Variants in CORIN observed in about 807,000 individuals in gnomAD.
CORIN encodes the protein corin, serine peptidase, also known as atrial natriuretic peptide-converting enzyme.
CORIN carries 117 observed loss-of-function variants against 125.3 expected under a neutral mutation model. The ratio of observed to expected loss-of-function variants is 0.93; its 90% CI spans 0.80 to 1.09. The LOEUF is 1.09. Among genes scored for constraint, CORIN ranks in the 50% least tolerant of loss-of-function variants. The probability of loss-of-function intolerance (pLI) is 0.00; values close to 1 mark genes in which losing one functional copy is unlikely to be tolerated. For missense variants in CORIN, 1,253 were observed against 1,306.7 expected, an observed-to-expected ratio of 0.96 and a Z score of 0.63; for synonymous variants, 450 against 466.4, an observed-to-expected ratio of 0.96 and a Z score of 0.45.
intron 2 of CORIN, among the ~76,000 whole-genome samples, chr4:47,794,847 C>T (rs1731223230): frequency 6.6e-6 from 1 of 152,080 alleles, no homozygotes; most frequent in African/African-American, 2.4e-5. Flanking sequence ...AAAGTCCCAA[C>T]CAAGATAATC....
chr4:47,835,908 G>A (rs1733375115), intron 1 of CORIN, among the ~76,000 whole-genome samples: 1 of 152,092 alleles, frequency 6.6e-6, no homozygotes, highest in African/African-American at 2.4e-5. Context: ...AGCAATTCTT[G>A]GTGTGTCTTT....
At chr4:47,692,948 C>T in intron 6 of CORIN, 22 bp downstream of exon 6, 1 of 1,565,368 alleles carries the variant, frequency 6.4e-7, no homozygotes. Flanking sequence ...CTCAGACAAA[C>T]CCTAAACAGC....
At position 47,792,027 on chromosome 4, in the gene CORIN, T is replaced by C. The variant is rs114467700; in HGVS notation, c.209-5102A>G. ...AGTAGAGAGATAGTCCTCATTCCAT[T>C]TGAAAAAGTCAGGAAAGCCTGTTTA... On this transcript the variant is annotated intron_variant, in intron 2 of 21. Transcript: ENST00000273857. Among the ~76,000 whole-genome samples, 866 of 152,280 alleles carry C rather than the reference T, an allele frequency of 5.7e-3. 8 individuals are homozygous for C. Among genetic ancestry groups the C allele is most frequent in the African/African-American group, 0.019 (810 of 41,548 alleles).
At chr4:47,754,335 C>T (rs1398717009) in intron 4 of CORIN, among the ~76,000 whole-genome samples, 1 of 152,092 alleles carries the variant, frequency 6.6e-6, no homozygotes, top group African/African-American at 2.4e-5. Context: ...GCCTAAACAG[C>T]CAGGTTGCCA....
chr4:47,689,638 A>G (rs1262083346), intron 6 of CORIN, among the ~76,000 whole-genome samples: 1 of 152,232 alleles, frequency 6.6e-6, no homozygotes, highest in African/African-American at 2.4e-5. Context: ...ATTTAAAATT[A>G]AGAAGTATTC....
At chr4:47,778,003 T>C (rs1164417307) in intron 3 of CORIN, among the ~76,000 whole-genome samples, 2 of 152,236 alleles carry the variant, frequency 1.3e-5, no homozygotes, top group African/African-American at 2.4e-5. Flanking sequence ...TGGGTTTTTT[T>C]GGTTTTTTGA....
intron 5 of CORIN, among the ~76,000 whole-genome samples, chr4:47,700,373 A>G (rs1189761815): frequency 6.6e-6 from 1 of 152,174 alleles, no homozygotes; most frequent in East Asian, 1.9e-4. Flanking sequence ...TTGAAGGTGT[A>G]CAGTGTGTGG....
intron 4 of CORIN, among the ~76,000 whole-genome samples, chr4:47,758,833 C>G (rs898554620): frequency 6.6e-6 from 1 of 152,196 alleles, no homozygotes; most frequent in African/African-American, 2.4e-5. Context: ...TGTTTGCTTC[C>G]CTTTCCACCA....
chr4:47,795,217 C>T (rs1399952431), intron 2 of CORIN, among the ~76,000 whole-genome samples: 1 of 152,180 alleles, frequency 6.6e-6, no homozygotes, highest in East Asian at 1.9e-4. Flanking sequence ...TTGAAATCAG[C>T]ACATTTGATG....
chr4:47,612,539 A>G (rs1721910772), intron 19 of CORIN, among the ~76,000 whole-genome samples: 1 of 152,220 alleles, frequency 6.6e-6, no homozygotes, highest in Non-Finnish European at 1.5e-5. Flanking sequence ...TGATCCTCAC[A>G]CCGACTGTGA....
chr4:47,817,006 G>T (rs1732301171), intron 1 of CORIN, among the ~76,000 whole-genome samples: 1 of 152,082 alleles, frequency 6.6e-6, no homozygotes, highest in Non-Finnish European at 1.5e-5. Flanking sequence ...TGACTCTCTG[G>T]ATACAAGGCA....
At chr4:47,837,615 C>G in intron 1 of CORIN, 1 of 569,068 alleles carries the variant, frequency 1.8e-6, no homozygotes, top group Non-Finnish European at 3.1e-6. Flanking sequence ...ATCGAGCCGA[C>G]TCGAACACTG....
intron 6 of CORIN, among the ~76,000 whole-genome samples, chr4:47,690,797 C>CA (rs1725732850): frequency 6.6e-6 from 1 of 152,188 alleles, no homozygotes; most frequent in South Asian, 2.1e-4. Flanking sequence ...AGGGTGGTGA[C>CA]AAAAGGAGTA....
chr4:47,825,224 G>A (rs1039139258), intron 1 of CORIN, among the ~76,000 whole-genome samples: 1 of 152,224 alleles, frequency 6.6e-6, no homozygotes, highest in Non-Finnish European at 1.5e-5. Flanking sequence ...GGCTCTGTAA[G>A]TGTCCGGATC....
At position 47,837,989 on chromosome 4, in the gene CORIN, T is replaced by C. The variant is rs753958340; in HGVS notation, c.-40A>G. The C allele has an allele frequency of 6.2e-6, 10 of 1,606,128 alleles. No homozygotes were observed. In the South Asian group the frequency reaches 9.9e-5, roughly 16 times the overall value. ...GCTTATTCTTCTGTCCACTTTTATC[T>C]TGGTCGCTTTTCTCTCCTCTACGTG... On this transcript the variant is annotated 5_prime_UTR_variant, in exon 1 of 22. Coordinates refer to ENST00000273857, the MANE Select transcript of CORIN (RefSeq NM_006587.4).
intron 18 of CORIN, 45 bp from the exon 19 acceptor site, chr4:47,623,790 T>C: frequency 6.2e-7 from 1 of 1,600,506 alleles, no homozygotes; most frequent in Non-Finnish European, 8.5e-7. Flanking sequence ...ATGCCAAACC[T>C]TGCTAAATGC....
intron 1 of CORIN, among the ~76,000 whole-genome samples, chr4:47,826,796 C>T (rs1034856850): frequency 1.3e-5 from 2 of 152,126 alleles, no homozygotes; most frequent in Non-Finnish European, 2.9e-5. Flanking sequence ...TTCGGAACAT[C>T]TCGCTCCATA....
Position 47,641,949 on chromosome 4 carries a change from A to T in CORIN, c.2169T>A (p.Ser723Arg), listed in dbSNP as rs755628483. 16 of 1,613,362 alleles carry T rather than the reference A, an allele frequency of 9.9e-6. No homozygotes were observed. The highest frequency in any genetic ancestry group is 1.3e-5 in the African/African-American group (1 of 74,848). The change falls in exon 16 of 22, where the codon AGT becomes AGA. Residue 723 changes from serine to arginine, a missense_variant. Ser to Arg is a moderately radical substitution (Grantham distance 110). Transcript: ENST00000273857. ...VCADGWQEIL[S>R]QLACKQMGLG... ...AACCCATCTGCTTGCAGGCCAGCTG[A>T]CTCAATATCTCCTGCCAGCCATCTG... is the stretch of plus-strand genomic sequence containing the variant.
chr4:47,711,830 G>A lies in CORIN; in HGVS notation c.800-18747C>T, dbSNP rs138470369. ...AGTAAGGTCCCTGGGAAGAAGGTGGGTGGGTTCTTCACATCACAATGAGAA... is the reference window on the plus strand; with the variant it reads ...AGTAAGGTCCCTGGGAAGAAGGTGGATGGGTTCTTCACATCACAATGAGAA... On this transcript the variant is annotated intron_variant, in intron 5 of 21. Transcript: ENST00000273857. 1.7e-3 allele frequency among the ~76,000 whole-genome samples: 253 copies of A among 152,264 alleles called. 2 individuals carry two copies. The highest frequency in any genetic ancestry group is 5.4e-3 in the African/African-American group (225 of 41,564).
Sources: allele counts gnomAD v4.1 joint callset (sites outside exome capture counted in the v4.1 genomes callset), GRCh38; gene constraint gnomAD v4.1.1; transcripts MANE v1.5; gene names NCBI Gene and HGNC (gene_info 2026-07-23, HGNC 2026-07-21).